MGAT4C: variants seen among roughly 807,000 people sequenced by gnomAD.
MGAT4C encodes MGAT4 family member C.
Under a neutral mutation model 40.1 loss-of-function variants are expected in MGAT4C, and 19 were observed. The observed-to-expected ratio is 0.47, with a 90% confidence interval of 0.33 to 0.70. The LOEUF (loss-of-function observed/expected upper bound fraction) is 0.70, where lower values mean the gene tolerates loss of function less well. MGAT4C is among the 30% of genes least tolerant of loss of function. The pLI, the probability that MGAT4C is intolerant of heterozygous loss-of-function variation, is 0.02. For missense variants in MGAT4C, 491 were observed against 563.2 expected (o/e 0.87, Z 1.30); for synonymous variants, 181 against 187.1 (o/e 0.97, Z 0.27).
chr12:86,677,121 C>T (rs1262928276), intron 2 of MGAT4C, among the ~76,000 whole-genome samples: 1 of 152,052 alleles, frequency 6.6e-6, no homozygotes, highest in Admixed American at 6.6e-5. Context: ...TCCCTACATG[C>T]ACCTAGTTGC....
intron 1 of MGAT4C, among the ~76,000 whole-genome samples, chr12:86,066,758 T>A (rs1250664327): frequency 6.6e-6 from 1 of 152,094 alleles, no homozygotes; most frequent in Non-Finnish European, 1.5e-5. Flanking sequence ...GAAACTTTTA[T>A]CAGAGTGAAC....
At chr12:86,003,222 TA>T (rs1178214035) in intron 2 of MGAT4C, among the ~76,000 whole-genome samples, 3 of 152,224 alleles carry the variant, frequency 2.0e-5, no homozygotes, top group African/African-American at 7.2e-5. Flanking sequence ...AATGGACGTA[TA>T]TTTGGCAATT....
At chr12:86,305,235 T>C (rs1270736832) in intron 4 of MGAT4C, among the ~76,000 whole-genome samples, 1 of 149,200 alleles carries the variant, frequency 6.7e-6, no homozygotes, top group African/African-American at 2.6e-5. Flanking sequence ...AGGTTGGGAG[T>C]TCAAGACCAG....
intron 1 of MGAT4C, among the ~76,000 whole-genome samples, chr12:86,730,980 C>G (rs1245949781): frequency 6.6e-6 from 1 of 152,070 alleles, no homozygotes; most frequent in African/African-American, 2.4e-5. Context: ...AAACTGGTCA[C>G]AGAGAGACAG....
At chr12:86,769,044 T>C (rs1169860784) in intron 1 of MGAT4C, among the ~76,000 whole-genome samples, 2 of 152,036 alleles carry the variant, frequency 1.3e-5, no homozygotes, top group East Asian at 1.9e-4. Context: ...AAAGAGCTTC[T>C]GCACAGCAAA....
intron 1 of MGAT4C, among the ~76,000 whole-genome samples, chr12:86,771,112 A>G (rs1324854752): frequency 6.6e-6 from 1 of 152,122 alleles, no homozygotes; most frequent in Non-Finnish European, 1.5e-5. Context: ...AGACATGGAG[A>G]TAAGACAGCC....
chr12:86,046,948 C>G (rs543574440), intron 2 of MGAT4C, among the ~76,000 whole-genome samples: 1 of 152,114 alleles, frequency 6.6e-6, no homozygotes, highest in Non-Finnish European at 1.5e-5. Flanking sequence ...TTAAAAAATG[C>G]AGTTATTTTT....
At chr12:86,118,837 A>G (rs1353482182) in intron 1 of MGAT4C, among the ~76,000 whole-genome samples, 1 of 152,210 alleles carries the variant, frequency 6.6e-6, no homozygotes, top group Non-Finnish European at 1.5e-5. Flanking sequence ...GTAGATGACC[A>G]GAAAGCAATA....
At chr12:86,720,269 G>T (rs1174568014) in intron 2 of MGAT4C, among the ~76,000 whole-genome samples, 5 of 149,454 alleles carry the variant, frequency 3.3e-5, no homozygotes, top group Non-Finnish European at 7.4e-5. Flanking sequence ...GAAATCATGT[G>T]TTCCAAGAGA....
chr12:86,459,288 A>G (rs927760513), intron 2 of MGAT4C, among the ~76,000 whole-genome samples: 25 of 152,126 alleles, frequency 1.6e-4, no homozygotes, highest in African/African-American at 6.0e-4. Flanking sequence ...GTGTGGGCAG[A>G]ATCTGTGAAT....
chr12:86,633,518 A>C, intron 2 of MGAT4C, among the ~76,000 whole-genome samples: 1 of 152,098 alleles, frequency 6.6e-6, no homozygotes, highest in East Asian at 1.9e-4. Context: ...CATTACTAAG[A>C]AAATAATACA....
intron 3 of MGAT4C, among the ~76,000 whole-genome samples, chr12:86,419,869 A>C (rs1039306884): frequency 6.6e-6 from 1 of 152,182 alleles, no homozygotes; most frequent in Non-Finnish European, 1.5e-5. Flanking sequence ...AGAAAAAAGC[A>C]TGGGTAGAAA....
At chr12:86,167,324 T>A (rs1886298362) in intron 1 of MGAT4C, among the ~76,000 whole-genome samples, 1 of 152,224 alleles carries the variant, frequency 6.6e-6, no homozygotes, top group Admixed American at 6.5e-5. Context: ...CAGTTCACAG[T>A]ATTTATTACA....
chr12:86,248,454 C>A (rs1422147906), intron 1 of MGAT4C, among the ~76,000 whole-genome samples: 1 of 151,742 alleles, frequency 6.6e-6, no homozygotes, highest in Non-Finnish European at 1.5e-5. Flanking sequence ...TCCCTAATGC[C>A]CCTCAGTTTA....
intron 2 of MGAT4C, among the ~76,000 whole-genome samples, chr12:86,031,665 A>G (rs148588025): frequency 2.0e-5 from 3 of 152,036 alleles, no homozygotes; most frequent in African/African-American, 7.2e-5. Flanking sequence ...TCTACACAGT[A>G]TGCAAAAATG....
chr12:86,226,738 C>A (rs182692105), intron 1 of MGAT4C, among the ~76,000 whole-genome samples: 9 of 151,984 alleles, frequency 5.9e-5, no homozygotes, highest in Non-Finnish European at 1.2e-4. Context: ...TATACACACT[C>A]CCAGACACCT....
chr12:85,980,263 C>G lies in MGAT4C; in HGVS notation c.463G>C (p.Asp155His). ...NSSWRDAMVQ[D>H]ITQKFAHHII... ...TGGTGCGCAAATTTCTGTGTAATAT[C>G]CTGGACCATGGCATCACGCCAGGAA... Residue 155 changes from aspartate (D) to histidine (H), a missense_variant, in exon 5 of 5, where the codon GAT becomes CAT. Asp to His is a moderately conservative substitution (Grantham distance 81, BLOSUM62 -1). Coordinates refer to ENST00000611864, the MANE Select transcript of MGAT4C (RefSeq NM_001351288.2). 1.2e-6 allele frequency: 2 copies of G among 1,613,918 alleles called. No individual in the cohort carries two copies. The highest frequency in any genetic ancestry group is 1.7e-6 in the Non-Finnish European group (2 of 1,179,900).
rs367578032 is a variant in MGAT4C at position 86,714,873 on chromosome 12, G to T, written c.-229+12336C>A. Among the ~76,000 whole-genome samples the T allele has an allele frequency of 2.0e-4, 30 of 152,036 alleles. No individual in the cohort carries two copies. The South Asian group carries it at 5.4e-3, about 27-fold the overall frequency. The stretch of plus-strand genomic sequence containing the variant: ...AGAAAGATGTAACGAGAATAAGAGA[G>T]AAATTATTTAAGAAGATATTAAAAC... On this transcript the variant is annotated intron_variant, in intron 2 of 7. Transcript: ENST00000548651.
In MGAT4C at chr12:86,392,021, A is replaced by G. The variant is rs1212407361; in HGVS notation, c.-120+43136T>C. ...TCTTACTGATGAGATGAGGATAATA[A>G]TACCCTGCCTTATAGGATTGTGGTG... is the stretch of plus-strand genomic sequence containing the variant. On this transcript the variant is annotated intron_variant, in intron 3 of 7. Coordinates refer to the MGAT4C transcript ENST00000548651. Among the ~76,000 whole-genome samples, 5 of 152,176 alleles carry G rather than the reference A, an allele frequency of 3.3e-5. No individual in the cohort carries two copies. In the South Asian group the frequency reaches 6.2e-4, roughly 19 times the overall value.
Sources: allele counts gnomAD v4.1 joint callset (sites outside exome capture counted in the v4.1 genomes callset), GRCh38; gene constraint gnomAD v4.1.1; transcripts MANE v1.5; gene names NCBI Gene and HGNC (gene_info 2026-07-23, HGNC 2026-07-21).